Variants in DDX3X observed in about 807,000 individuals in gnomAD.
DDX3X encodes the protein DEAD-box helicase 3 X-linked, also known as ATP-dependent RNA helicase DDX3X.
A neutral mutation model predicts 52.7 loss-of-function variants in DDX3X; 4 were observed. The ratio of observed to expected loss-of-function variants is 0.08; its 90% CI spans 0.04 to 0.17. The LOEUF (loss-of-function observed/expected upper bound fraction) is 0.17, where lower values mean the gene tolerates loss of function less well. Among genes scored for constraint, DDX3X ranks in the 10% least tolerant of loss-of-function variants. The probability of loss-of-function intolerance (pLI) is 1.00; values close to 1 mark genes in which losing one functional copy is unlikely to be tolerated. For missense variants in DDX3X, 222 were observed against 548.6 expected (o/e 0.40, Z 5.95); for synonymous variants, 192 against 178.1 (o/e 1.08, Z -0.62).
At position 41,349,122 on chromosome X, in the gene DDX3X, A is replaced by G. The variant is rs1328293693; in HGVS notation, c.*1403A>G. 1 of 112,162 alleles carries G rather than the reference A, an allele frequency of 8.9e-6. No individual in the cohort carries two copies. The highest frequency in any genetic ancestry group is 1.9e-5 in the Non-Finnish European group (1 of 53,209). The allele number at this position is 112,162 out of a possible 1,213,427, so 9.2% of individuals were successfully genotyped here. A position where few individuals can be genotyped will look rare whatever the true frequency, so the allele number is the denominator to read the frequency against. Reference sequence around the variant, plus strand: ...TTTACAGTGGCATAGGAAGACGGCAAAAATTTCCTAAAGTGCAATAGATTT... The same window carrying G: ...TTTACAGTGGCATAGGAAGACGGCAGAAATTTCCTAAAGTGCAATAGATTT... On this transcript the variant is annotated 3_prime_UTR_variant, in exon 17 of 17. Transcript: ENST00000644876.
At chrX:41,347,042 A>G in intron 15 of DDX3X, 30 bp downstream of exon 15, 1 of 1,163,437 alleles carries the variant, frequency 8.6e-7, no homozygotes, top group Non-Finnish European at 1.2e-6. Flanking sequence ...TAATGAGGGG[A>G]ATGGGTGTTC....
chrX:41,334,194 C>T lies in DDX3X; in HGVS notation c.-59C>T, dbSNP rs1360890304. 2.1e-5 allele frequency: 24 copies of T among 1,138,661 alleles called. No homozygotes were observed. Among genetic ancestry groups the T allele is most frequent in the Admixed American group, 4.6e-5 (2 of 43,065 alleles). 93.8% of individuals were successfully genotyped at this position (1,138,661 alleles called of 1,213,427 possible). ...CAGTTCTCCCGTGAGAGGGCCTTCG[C>T]GGTGGAACAAACACTCGCTTAGCAG... On this transcript the variant is annotated 5_prime_UTR_variant, in exon 1 of 17. Coordinates refer to ENST00000644876, the MANE Select transcript of DDX3X (RefSeq NM_001356.5).
At position 41,343,760 on chromosome X, in the gene DDX3X, C is replaced by T. The variant is rs1441229501; in HGVS notation, c.703C>T (p.Leu235=). The change falls in exon 8 of 17, where the codon CTG becomes TTG. Residue 235 remains leucine, a synonymous_variant. Transcript: ENST00000644876. ...AGGGTCTGGAAAAACTGCAGCATTT[C>T]TGTTGCCCATCTTGAGTCAGATTTA... ...QTGSGKTAAF[L]LPILSQIYSD... The T allele has an allele frequency of 1.7e-6, 2 of 1,210,617 alleles. No individual in the cohort carries two copies. Among genetic ancestry groups the T allele is most frequent in the Non-Finnish European group, 2.2e-6 (2 of 894,581 alleles).
chrX:41,356,336 G>A (rs2064008716), intron 5 of DDX3X, among the ~76,000 whole-genome samples: 2 of 109,405 alleles, frequency 1.8e-5, no homozygotes, highest in East Asian at 2.8e-4. Context: ...TAGTAGAGAC[G>A]GGGTTTCACC....
Position 41,345,091 on chromosome X carries a change from T to A in DDX3X, c.1026-89T>A, listed in dbSNP as rs146259535. The A allele has an allele frequency of 9.8e-4, 879 of 896,662 alleles. 6 individuals carry two copies. The African/African-American group carries it at 0.016, about 16-fold the overall frequency. 73.9% of individuals were successfully genotyped at this position (896,662 alleles called of 1,213,427 possible). On this transcript the variant is annotated intron_variant, in intron 10 of 16. Coordinates refer to ENST00000644876, the MANE Select transcript of DDX3X (RefSeq NM_001356.5). ...AATTGTAATAACCTATACAATTGTATTTGTAATTATACTAACAGCCATACT... is the reference window on the plus strand; with the variant it reads ...AATTGTAATAACCTATACAATTGTAATTGTAATTATACTAACAGCCATACT...
At chrX:41,351,539 C>T (rs2063986761), downstream of DDX3X, 1 of 111,423 alleles carries the variant, frequency 9.0e-6, no homozygotes, top group African/African-American at 3.3e-5. Context: ...TTGATAGGGC[C>T]TCACTACTCC....
At chrX:41,337,299 C>G (rs777116201) in intron 1 of DDX3X, 109 bp from the exon 2 acceptor site, 4 of 640,003 alleles carry the variant, frequency 6.2e-6, no homozygotes, top group Non-Finnish European at 1.0e-5. Context: ...GTGAGGTGGA[C>G]TGGGCAACTA....
chrX:41,356,049 T>C (rs1343081734), intron 5 of DDX3X, among the ~76,000 whole-genome samples: 5 of 111,405 alleles, frequency 4.5e-5, no homozygotes, highest in African/African-American at 1.3e-4. Context: ...ATCAAAGTCG[T>C]CTTTTCATCT....
intron 15 of DDX3X, 79 bp downstream of exon 15, chrX:41,347,091 C>G: frequency 1.9e-6 from 2 of 1,033,702 alleles, no homozygotes; most frequent in Non-Finnish European, 2.6e-6. Context: ...TGCATAACGT[C>G]CAAGGTTAAC....
At chrX:41,343,675 T>C in intron 7 of DDX3X, 62 bp from the exon 8 acceptor site, 9 of 1,011,122 alleles carry the variant, frequency 8.9e-6, no homozygotes, top group Non-Finnish European at 1.2e-5. Flanking sequence ...TAAAAAACAC[T>C]GTCATCTACC....
At position 41,349,175 on chromosome X, in the gene DDX3X, CTT is replaced by C. The variant is rs1265125033; in HGVS notation, c.*1459_*1460del. ...AAGTGTATTGTGCCTTGTTCTAAAA[CTT>C]TTATTAAGTAGGTGCACTTGACAGT... On this transcript the variant is annotated 3_prime_UTR_variant, in exon 17 of 17. Transcript: ENST00000644876. 1 of 112,386 alleles carries C rather than the reference CTT, an allele frequency of 8.9e-6. No individual in the cohort carries two copies. Among genetic ancestry groups the C allele is most frequent in the African/African-American group, 3.2e-5 (1 of 30,850 alleles). 9.3% of individuals were successfully genotyped at this position (112,386 alleles called of 1,213,427 possible).
At chrX:41,354,390 C>T (rs1452698990), downstream of DDX3X, among the ~76,000 whole-genome samples, 1 of 92,934 alleles carries the variant, frequency 1.1e-5, no homozygotes, top group Non-Finnish European at 2.0e-5. Flanking sequence ...CTGGTGTGAC[C>T]ATAGCTCGCA....
At chrX:41,345,586 G>T (rs767563121) in intron 12 of DDX3X, 38 bp downstream of exon 12, 2 of 1,096,658 alleles carry the variant, frequency 1.8e-6, no homozygotes, top group South Asian at 4.0e-5. Flanking sequence ...AGACATGGGG[G>T]TTTCTCTTTG....
In DDX3X at chrX:41,343,260, G is replaced by A; in HGVS notation, c.588G>A (p.Glu196=). ...EMGEIIMGNI[E]LTRYTRPTPV... Reference sequence around the variant, plus strand: ...GAGAAATTATCATGGGAAACATTGAGCTTACTCGTTATACTCGCCCAACTC... The same window carrying A: ...GAGAAATTATCATGGGAAACATTGAACTTACTCGTTATACTCGCCCAACTC... Residue 196 remains glutamate (E), a synonymous_variant, in exon 7 of 17, where the codon GAG becomes GAA. Coordinates refer to ENST00000644876, the MANE Select transcript of DDX3X (RefSeq NM_001356.5). 1 of 1,206,949 alleles carries A rather than the reference G, an allele frequency of 8.3e-7. No individual in the cohort carries two copies. The highest frequency in any genetic ancestry group is 1.1e-6 in the Non-Finnish European group (1 of 893,607).
chrX:41,336,925 T>A (rs750257693), intron 1 of DDX3X, among the ~76,000 whole-genome samples: 1 of 111,967 alleles, frequency 8.9e-6, no homozygotes, highest in Non-Finnish European at 1.9e-5. Flanking sequence ...ACTTCGAAAT[T>A]TGTCCTGACA....
At chrX:41,336,120 C>T in intron 1 of DDX3X, 1 of 111,841 alleles carries the variant, frequency 8.9e-6, no homozygotes, top group Non-Finnish European at 1.9e-5. Flanking sequence ...GCGGTTTGGC[C>T]GTATCATACT....
At chrX:41,336,610 A>G (rs1005276335) in intron 1 of DDX3X, 1 of 111,398 alleles carries the variant, frequency 9.0e-6, no homozygotes, top group Non-Finnish European at 1.9e-5. Context: ...TCTCTACTAA[A>G]AGTACAAAAA....
At chrX:41,363,385 A>G (rs2064036830) in intron 5 of DDX3X, among the ~76,000 whole-genome samples, 2 of 111,433 alleles carry the variant, frequency 1.8e-5, no homozygotes, top group Non-Finnish European at 3.8e-5. Context: ...AGATTGCACC[A>G]CTGCACTCCA....
rs1487959400 is a variant in DDX3X, at chrX:41,346,484, C to T, written c.1498-21C>T. On this transcript the variant is annotated intron_variant, in intron 13 of 16. Transcript: ENST00000644876. ...TTGTTTTCTTTTAAGTGGGCCATAT[C>T]TCATAAAAGTTATTTTCCAGGTAGC... 2.1e-5 allele frequency: 25 copies of T among 1,192,279 alleles called. No individual in the cohort carries two copies. In the East Asian group the frequency reaches 7.1e-4, roughly 34 times the overall value.
Sources: gnomAD v4.1 joint callset for allele counts (sites outside exome capture counted in the v4.1 genomes callset) on GRCh38, gnomAD v4.1.1 for gene constraint, MANE v1.5 for transcripts, NCBI Gene and HGNC (gene_info 2026-07-23, HGNC 2026-07-21) for gene names.